GRIN2B: variants seen among roughly 807,000 people sequenced by gnomAD.
The protein encoded by GRIN2B is glutamate receptor ionotropic, NMDA 2B.
A neutral mutation model predicts 114.5 loss-of-function variants in GRIN2B; 5 were observed. That is an observed-to-expected ratio of 0.04 (90% confidence interval 0.02 to 0.09). The LOEUF is 0.09. Ranked by LOEUF, GRIN2B falls within the 10% of genes least tolerant of loss-of-function variation. The pLI is 1.00. For missense variants in GRIN2B, 1,108 were observed against 1,943.5 expected, an observed-to-expected ratio of 0.57 and a Z score of 8.08; for synonymous variants, 787 against 745.1, an observed-to-expected ratio of 1.06 and a Z score of -0.92.
chr12:13,881,511 G>C (rs1398053622), intron 2 of GRIN2B, among the ~76,000 whole-genome samples: 1 of 152,184 alleles, frequency 6.6e-6, no homozygotes, highest in Admixed American at 6.5e-5. Flanking sequence ...CTAGAAGAAA[G>C]GCCTGGTTTC....
chr12:13,948,243 G>A (rs1449912400), intron 2 of GRIN2B, among the ~76,000 whole-genome samples: 1 of 152,106 alleles, frequency 6.6e-6, no homozygotes, highest in African/African-American at 2.4e-5. Context: ...CTGCCAGGGG[G>A]GATCCTTGGG....
intron 4 of GRIN2B, among the ~76,000 whole-genome samples, chr12:13,719,347 C>T (rs1318949632): frequency 6.6e-6 from 1 of 151,966 alleles, no homozygotes; most frequent in Non-Finnish European, 1.5e-5. Context: ...TTCACTTATC[C>T]ACATTAACCA....
intron 2 of GRIN2B, among the ~76,000 whole-genome samples, chr12:13,877,257 A>C (rs1437924644): frequency 6.6e-6 from 1 of 152,196 alleles, no homozygotes; most frequent in Non-Finnish European, 1.5e-5. Context: ...CAAGGTTTAA[A>C]ACAAGCTTTT....
intron 10 of GRIN2B, among the ~76,000 whole-genome samples, chr12:13,592,229 G>C (rs140563606): frequency 6.6e-6 from 1 of 152,136 alleles, no homozygotes; most frequent in Non-Finnish European, 1.5e-5. Context: ...GGCCCTCGCT[G>C]GCAGGAACAG....
At chr12:13,928,272 C>G (rs980338265) in intron 2 of GRIN2B, among the ~76,000 whole-genome samples, 2 of 147,412 alleles carry the variant, frequency 1.4e-5, no homozygotes, top group Non-Finnish European at 3.0e-5. Context: ...CATTACACTC[C>G]AGCCTGGGTG....
chr12:13,705,840 A>G (rs1041501692), intron 4 of GRIN2B, among the ~76,000 whole-genome samples: 1 of 152,316 alleles, frequency 6.6e-6, no homozygotes, highest in African/African-American at 2.4e-5. Flanking sequence ...GCAATTGTTT[A>G]GTCTAGACAG....
chr12:13,556,522 A>C lies in GRIN2B; in HGVS notation c.*6261T>G, dbSNP rs1948481094. The C allele has an allele frequency of 6.6e-6, 1 of 152,202 alleles. No individual in the cohort carries two copies. The highest frequency in any genetic ancestry group is 6.5e-5 in the Admixed American group (1 of 15,276). 9.4% of individuals were successfully genotyped at this position (152,202 alleles called of 1,614,324 possible). On this transcript the variant is annotated 3_prime_UTR_variant, in exon 14 of 14. Coordinates refer to ENST00000609686, the MANE Select transcript of GRIN2B (RefSeq NM_000834.5). ...ATTTTTTTCTCCTGCATAGTACTAG[A>C]ATCTGCTCCACCTCCTAAATCACAA...
chr12:13,621,526 C>T (rs1295184367), intron 5 of GRIN2B, among the ~76,000 whole-genome samples: 1 of 147,098 alleles, frequency 6.8e-6, no homozygotes, highest in Non-Finnish European at 1.5e-5. Flanking sequence ...ACAAAAAATT[C>T]AGTTATCTGC....
Position 13,951,585 on chromosome 12 carries a change from T to C in GRIN2B, c.-19+28343A>G, listed in dbSNP as rs112419952. On this transcript the variant is annotated intron_variant, in intron 2 of 13. Coordinates refer to ENST00000609686, the MANE Select transcript of GRIN2B (RefSeq NM_000834.5). ...ATTCATGGTTGGTAGAGCTGTATAA[T>C]TGCACCCATTTGTCAAAAATCTAGG... Among the ~76,000 whole-genome samples the C allele has an allele frequency of 7.2e-3, 1,092 of 152,304 alleles. 17 individuals are homozygous for C. Among genetic ancestry groups the C allele is most frequent in the African/African-American group, 0.025 (1,051 of 41,558 alleles).
chr12:13,739,528 A>C (rs908985436), intron 4 of GRIN2B, among the ~76,000 whole-genome samples: 1 of 151,910 alleles, frequency 6.6e-6, no homozygotes, highest in African/African-American at 2.4e-5. Context: ...CTGTTCACCA[A>C]ATGTTTGGGG....
intron 4 of GRIN2B, among the ~76,000 whole-genome samples, chr12:13,750,671 T>G (rs1054658545): frequency 6.6e-6 from 1 of 152,162 alleles, no homozygotes; most frequent in Non-Finnish European, 1.5e-5. Context: ...GAATCAACAG[T>G]ACATTTTTCA....
At chr12:13,766,911 A>AC (rs1413056831) in intron 3 of GRIN2B, among the ~76,000 whole-genome samples, 2 of 152,136 alleles carry the variant, frequency 1.3e-5, no homozygotes, top group African/African-American at 4.8e-5. Flanking sequence ...CAGCGTTCCT[A>AC]CCGTAGAGAT....
At chr12:13,581,850 C>T (rs1035842734) in intron 10 of GRIN2B, among the ~76,000 whole-genome samples, 7 of 145,818 alleles carry the variant, frequency 4.8e-5, no homozygotes, top group African/African-American at 1.8e-4. Context: ...GCAGAGGTTG[C>T]AGTGAGCCAA....
chr12:13,685,542 G>A (rs1950169095), intron 4 of GRIN2B, among the ~76,000 whole-genome samples: 2 of 152,166 alleles, frequency 1.3e-5, no homozygotes, highest in South Asian at 4.1e-4. Flanking sequence ...CCAGGGTCAA[G>A]GGGACATTTC....
At chr12:13,832,788 T>C (rs911875912) in intron 3 of GRIN2B, among the ~76,000 whole-genome samples, 1 of 152,168 alleles carries the variant, frequency 6.6e-6, no homozygotes, top group Admixed American at 6.5e-5. Context: ...TATTTTTGCA[T>C]TGTCATAGGA....
At position 13,550,108 on chromosome 12, in the gene GRIN2B, C is replaced by T. The variant is rs1948391637; in HGVS notation, c.*12675G>A. 1 of 152,180 alleles carries T rather than the reference C, an allele frequency of 6.6e-6. No individual in the cohort carries two copies. The highest frequency in any genetic ancestry group is 2.4e-5 in the African/African-American group (1 of 41,442). 9.4% of individuals were successfully genotyped at this position (152,180 alleles called of 1,614,324 possible). ...TTTTGGCTAATTATCCAATTTTGTG[C>T]TTTGACTTCTCATCTGTAAAACTGA... On this transcript the variant is annotated 3_prime_UTR_variant, in exon 14 of 14. Coordinates refer to ENST00000609686, the MANE Select transcript of GRIN2B (RefSeq NM_000834.5).
chr12:13,929,803 A>G (rs2136822422), intron 2 of GRIN2B, among the ~76,000 whole-genome samples: 1 of 152,288 alleles, frequency 6.6e-6, no homozygotes, highest in Non-Finnish European at 1.5e-5. Context: ...GCACCCTAGA[A>G]CCCAGTAACA....
At chr12:13,942,772 C>T (rs1217881281) in intron 2 of GRIN2B, among the ~76,000 whole-genome samples, 1 of 152,110 alleles carries the variant, frequency 6.6e-6, no homozygotes, top group East Asian at 1.9e-4. Flanking sequence ...AGACAATAAT[C>T]ACTTTGAAGG....
chr12:13,672,686 T>C (rs1293470142), intron 5 of GRIN2B, among the ~76,000 whole-genome samples: 1 of 152,152 alleles, frequency 6.6e-6, no homozygotes, highest in Non-Finnish European at 1.5e-5. Context: ...TCCAAAGTGT[T>C]CCCTGGGTTA....
Sources: allele counts gnomAD v4.1 joint callset (sites outside exome capture counted in the v4.1 genomes callset), GRCh38; gene constraint gnomAD v4.1.1; transcripts MANE v1.5; gene names NCBI Gene and HGNC (gene_info 2026-07-23, HGNC 2026-07-21).